The following STATH variants were observed in gnomAD, a reference collection of about 807,000 sequenced individuals.
STATH encodes statherin.
Under a neutral mutation model 13.3 loss-of-function variants are expected in STATH, and 11 were observed. That is an observed-to-expected ratio of 0.83 (90% CI 0.52 to 1.37). The LOEUF (loss-of-function observed/expected upper bound fraction) is 1.37, where lower values mean the gene tolerates loss of function less well. Ranked by LOEUF, STATH falls within the 40% of genes most tolerant of loss-of-function variation. The pLI is 0.00. For synonymous variants in STATH, 25 were observed against 23.6 expected (o/e 1.06, Z -0.17); for missense variants, 78 against 73.3 (o/e 1.06, Z -0.24).
At chr4:69,998,392 T>A in intron 1 of STATH, 31 bp from the exon 2 acceptor site, 1 of 1,570,750 alleles carries the variant, frequency 6.4e-7, no homozygotes, top group African/African-American at 1.4e-5. Flanking sequence ...CAAGAAAAAA[T>A]GTGATACTGA....
At chr4:69,996,075 C>T (rs1005133819) in intron 1 of STATH, 50 bp downstream of exon 1, 7 of 152,080 alleles carry the variant, frequency 4.6e-5, no homozygotes, top group African/African-American at 1.7e-4. Flanking sequence ...TAGAGTGTTG[C>T]TTCCTAAAAT....
At chr4:69,999,523 A>T in intron 2 of STATH, 144 bp from the exon 3 acceptor site, 1 of 716,548 alleles carries the variant, frequency 1.4e-6, no homozygotes, top group Non-Finnish European at 2.3e-6. Flanking sequence ...GATGTCATGA[A>T]GCAAAAATAA....
At chr4:69,997,856 T>G (rs1174796125) in intron 1 of STATH, among the ~76,000 whole-genome samples, 1 of 152,158 alleles carries the variant, frequency 6.6e-6, no homozygotes, top group Non-Finnish European at 1.5e-5. Flanking sequence ...TTCAGTAACA[T>G]TATAAAGCGA....
At chr4:69,999,962 T>A (rs1724611428) in intron 4 of STATH, 153 bp downstream of exon 4, 2 of 838,114 alleles carry the variant, frequency 2.4e-6, no homozygotes, top group Non-Finnish European at 3.7e-6. Flanking sequence ...CAGGTAACAG[T>A]CACAAATGTA....
chr4:69,997,707 A>C (rs2109680453), intron 1 of STATH, among the ~76,000 whole-genome samples: 1 of 152,260 alleles, frequency 6.6e-6, no homozygotes, highest in African/African-American at 2.4e-5. Context: ...ATCTTCACCA[A>C]TTCAACTTCT....
chr4:70,000,528 A>G (rs1264949117), intron 4 of STATH, among the ~76,000 whole-genome samples: 3 of 151,820 alleles, frequency 2.0e-5, no homozygotes, highest in Non-Finnish European at 4.4e-5. Context: ...CCTTCCCATA[A>G]TACTCAAAGG....
intron 5 of STATH, among the ~76,000 whole-genome samples, chr4:70,001,752 T>C (rs986776780): frequency 1.3e-5 from 2 of 151,800 alleles, no homozygotes; most frequent in Admixed American, 1.3e-4. Context: ...ATTTCAATTA[T>C]TTTTCAGTGC....
At chr4:69,999,998 A>G in intron 4 of STATH, 189 bp downstream of exon 4, 1 of 660,870 alleles carries the variant, frequency 1.5e-6, no homozygotes, top group Non-Finnish European at 2.5e-6. Context: ...ATTTAAGTTG[A>G]AACTCATAGT....
intron 1 of STATH, among the ~76,000 whole-genome samples, chr4:69,997,698 T>C (rs1429639525): frequency 6.6e-6 from 1 of 152,194 alleles, no homozygotes; most frequent in African/African-American, 2.4e-5. Context: ...TATTAAGTCA[T>C]CTTCACCAAT....
At chr4:69,996,761 C>T (rs1724513964) in intron 1 of STATH, among the ~76,000 whole-genome samples, 1 of 151,792 alleles carries the variant, frequency 6.6e-6, no homozygotes, top group African/African-American at 2.4e-5. Context: ...CTTCTATGAG[C>T]ATTTTTTGAT....
chr4:69,998,507 T>C lies in STATH; in HGVS notation c.51+19T>C. ...CATGATTGTAAGTATATCAGGACAT[T>C]TGAAGAATATGTTCTCAGTACCTAT... is the stretch of plus-strand genomic sequence containing the variant. On this transcript the variant is annotated intron_variant, in intron 2 of 5. Transcript: ENST00000246895. The C allele has an allele frequency of 1.9e-6, 3 of 1,605,592 alleles. No individual in the cohort carries two copies. The highest frequency in any genetic ancestry group is 2.6e-6 in the Non-Finnish European group (3 of 1,173,484).
chr4:69,998,942 T>A (rs1472218884), intron 2 of STATH: 1 of 152,742 alleles, frequency 6.5e-6, no homozygotes, highest in African/African-American at 2.4e-5. Flanking sequence ...GCACACACTT[T>A]CTAAAATAAA....
chr4:69,999,183 G>A (rs1244072191), intron 2 of STATH: 1 of 153,056 alleles, frequency 6.5e-6, no homozygotes, highest in East Asian at 1.9e-4. Context: ...AATTCTAACA[G>A]ATATTTCAAA....
intron 4 of STATH, among the ~76,000 whole-genome samples, chr4:70,000,607 T>C (rs1724629209): frequency 6.6e-6 from 1 of 151,812 alleles, no homozygotes; most frequent in African/African-American, 2.4e-5. Flanking sequence ...TGATAGCCTA[T>C]AATCGGTGTT....
At position 70,000,954 on chromosome 4, in the gene STATH, A is replaced by T; in HGVS notation, c.*5A>T. ...TACCAACAATATACCTTTTAATATC[A>T]TCAGTAACTGCAGGACATGATTATT... On this transcript the variant is annotated 3_prime_UTR_variant, in exon 5 of 6. Transcript: ENST00000246895. The T allele has an allele frequency of 6.2e-7, 1 of 1,608,516 alleles. No individual in the cohort carries two copies. Among genetic ancestry groups the T allele is most frequent in the Non-Finnish European group, 8.5e-7 (1 of 1,175,376 alleles).
At chr4:70,000,815 T>A in intron 4 of STATH, 48 bp from the exon 5 acceptor site, 1 of 1,418,022 alleles carries the variant, frequency 7.1e-7, no homozygotes, top group Non-Finnish European at 1.0e-6. Flanking sequence ...GCTTGCACTG[T>A]CATTATCTCA....
At chr4:69,996,294 AG>A (rs1724501743) in intron 1 of STATH, among the ~76,000 whole-genome samples, 1 of 152,146 alleles carries the variant, frequency 6.6e-6, no homozygotes, top group Non-Finnish European at 1.5e-5. Flanking sequence ...ACTTCTGAAA[AG>A]CTTTTTATTT....
intron 4 of STATH, chr4:70,000,119 C>A (rs1724615556): frequency 6.4e-6 from 2 of 311,542 alleles, no homozygotes; most frequent in African/African-American, 2.1e-5. Context: ...ATAATATATG[C>A]CTCATGGAGC....
At chr4:69,996,710 T>G (rs1160715018) in intron 1 of STATH, among the ~76,000 whole-genome samples, 1 of 151,974 alleles carries the variant, frequency 6.6e-6, no homozygotes, top group African/African-American at 2.4e-5. Flanking sequence ...TGTCTATATA[T>G]CCATCTTTCA....
Sources: allele counts gnomAD v4.1 joint callset (sites outside exome capture counted in the v4.1 genomes callset), GRCh38; gene constraint gnomAD v4.1.1; transcripts MANE v1.5; gene names NCBI Gene and HGNC (gene_info 2026-07-23, HGNC 2026-07-21).